Variants in GOLGA5 observed in about 807,000 individuals in gnomAD.
GOLGA5 encodes golgin A5.
Under a neutral mutation model 93.5 loss-of-function variants are expected in GOLGA5, and 50 were observed. The ratio of observed to expected loss-of-function variants is 0.53; its 90% confidence interval spans 0.43 to 0.68. The LOEUF (loss-of-function observed/expected upper bound fraction) is 0.68, where lower values mean the gene tolerates loss of function less well. Ranked by LOEUF, GOLGA5 falls within the 30% of genes least tolerant of loss-of-function variation. The probability of loss-of-function intolerance (pLI) is 0.00; values close to 1 mark genes in which losing one functional copy is unlikely to be tolerated. For missense variants in GOLGA5, 760 were observed against 856.4 expected (o/e 0.89, Z 1.40); for synonymous variants, 312 against 304.5 (o/e 1.02, Z -0.26).
intron 9 of GOLGA5, among the ~76,000 whole-genome samples, chr14:92,832,698 C>T (rs7146144): frequency 0.66 from 99,630 of 152,068 alleles, 33,075 homozygotes; most frequent in African/African-American, 0.77. Flanking sequence ...TGTTGAATGA[C>T]GGAGGCTTTT....
At chr14:92,801,653 A>G (rs942030145) in intron 2 of GOLGA5, among the ~76,000 whole-genome samples, 4 of 151,844 alleles carry the variant, frequency 2.6e-5, no homozygotes, top group Non-Finnish European at 4.4e-5. Flanking sequence ...TGTCTTGGAA[A>G]ATCTTTCCTT....
chr14:92,835,796 C>A, intron 11 of GOLGA5, 132 bp downstream of exon 11: 1 of 506,802 alleles, frequency 2.0e-6, no homozygotes, highest in Non-Finnish European at 3.6e-6. Flanking sequence ...ATATTTTATA[C>A]TTATATACAC....
chr14:92,827,642 A>C (rs1013419990), intron 9 of GOLGA5, among the ~76,000 whole-genome samples: 1 of 152,204 alleles, frequency 6.6e-6, no homozygotes, highest in Non-Finnish European at 1.5e-5. Context: ...GTGAAAAGCT[A>C]GAGATGATTA....
intron 9 of GOLGA5, among the ~76,000 whole-genome samples, chr14:92,828,680 A>AC (rs2140332510): frequency 6.6e-6 from 1 of 152,134 alleles, no homozygotes; most frequent in African/African-American, 2.4e-5. Flanking sequence ...ATTTATTTTT[A>AC]TTTTTTGAGA....
chr14:92,812,052 G>C (rs1407747573), intron 6 of GOLGA5, among the ~76,000 whole-genome samples: 2 of 152,134 alleles, frequency 1.3e-5, no homozygotes, highest in Non-Finnish European at 2.9e-5. Flanking sequence ...CTTCCTTGTT[G>C]ATCTCCTATT....
intron 9 of GOLGA5, among the ~76,000 whole-genome samples, chr14:92,826,705 A>T (rs1200482214): frequency 6.6e-6 from 1 of 151,724 alleles, no homozygotes; most frequent in Non-Finnish European, 1.5e-5. Flanking sequence ...CTCAAAAAAA[A>T]AAAAAAGAAA....
intron 2 of GOLGA5, among the ~76,000 whole-genome samples, chr14:92,800,290 G>A (rs1229441244): frequency 6.6e-6 from 1 of 152,192 alleles, no homozygotes; most frequent in Non-Finnish European, 1.5e-5. Context: ...ATTGCCTAGG[G>A]TATTCAGAAA....
At chr14:92,832,993 ATT>A (rs1885561216) in intron 9 of GOLGA5, 127 bp from the exon 10 acceptor site, 1 of 640,180 alleles carries the variant, frequency 1.6e-6, no homozygotes, top group African/African-American at 1.8e-5. Context: ...TTTTGTAGAC[ATT>A]GAGTCAGTAT....
chr14:92,838,871 G>C (rs1200010554), intron 12 of GOLGA5, among the ~76,000 whole-genome samples: 1 of 152,116 alleles, frequency 6.6e-6, no homozygotes, highest in Admixed American at 6.5e-5. Context: ...ATGGAATCTC[G>C]TATCATTTCG....
intron 8 of GOLGA5, among the ~76,000 whole-genome samples, 176 bp from the exon 9 acceptor site, chr14:92,824,370 T>G (rs534103787): frequency 6.6e-6 from 1 of 152,228 alleles, no homozygotes; most frequent in Non-Finnish European, 1.5e-5. Flanking sequence ...CCATCTGTTA[T>G]TCACTTAATT....
At chr14:92,806,401 C>T (rs1595592425) in intron 2 of GOLGA5, among the ~76,000 whole-genome samples, 1 of 152,294 alleles carries the variant, frequency 6.6e-6, no homozygotes, top group East Asian at 1.9e-4. Flanking sequence ...CACCTTTGGC[C>T]TCCCAGGCTC....
In GOLGA5 at chr14:92,839,299, T is replaced by C. The variant is rs1160192039; in HGVS notation, c.2116-67T>C. On this transcript the variant is annotated intron_variant, in intron 12 of 12. Coordinates refer to ENST00000163416, the MANE Select transcript of GOLGA5 (RefSeq NM_005113.4). The stretch of plus-strand genomic sequence containing the variant: ...GGTAAGACACAGTGCCTGCCCTCAG[T>C]GTACAGTGGGCCTTTGGTAAAAATT... The C allele has an allele frequency of 1.1e-5, 10 of 949,308 alleles. No individual in the cohort carries two copies. The African/African-American group carries it at 1.3e-4, about 12-fold the overall frequency. 58.8% of individuals were successfully genotyped at this position (949,308 alleles called of 1,614,324 possible). A position where few individuals can be genotyped will look rare whatever the true frequency, so the allele number is the denominator to read the frequency against.
Position 92,837,511 on chromosome 14 carries a change from TTTG to T in GOLGA5, c.2115+65_2115+67del, listed in dbSNP as rs568509399. The T allele has an allele frequency of 9.5e-3, 7,306 of 772,900 alleles. 64 individuals are homozygous for T. Among genetic ancestry groups the T allele is most frequent in the Non-Finnish European group, 0.013 (5,498 of 437,938 alleles). The allele number at this position is 772,900 out of a possible 1,614,324, so 47.9% of individuals were successfully genotyped here. A position where few individuals can be genotyped will look rare whatever the true frequency, so the allele number is the denominator to read the frequency against. On this transcript the variant is annotated intron_variant, in intron 12 of 12. Transcript: ENST00000163416. Reference sequence around the variant, plus strand: ...GATTTTTAACTAGTTTTTTTTTTTGTTTGTTTGTTTGTTTTGGCTACAGATCTT... The same window carrying T: ...GATTTTTAACTAGTTTTTTTTTTTGTTTTGTTTGTTTTGGCTACAGATCTT...
chr14:92,802,463 C>G (rs1884894270), intron 2 of GOLGA5, among the ~76,000 whole-genome samples: 1 of 151,972 alleles, frequency 6.6e-6, no homozygotes, highest in Non-Finnish European at 1.5e-5. Flanking sequence ...CTTCTTAGCC[C>G]TTTTATCTTT....
intron 9 of GOLGA5, among the ~76,000 whole-genome samples, chr14:92,832,574 C>T (rs1449034056): frequency 6.6e-6 from 1 of 152,214 alleles, no homozygotes; most frequent in Admixed American, 6.5e-5. Flanking sequence ...TCTTCACTAA[C>T]AGATGAGGAA....
At chr14:92,807,117 T>C (rs921258473) in intron 3 of GOLGA5, among the ~76,000 whole-genome samples, 154 bp downstream of exon 3, 2 of 152,068 alleles carry the variant, frequency 1.3e-5, no homozygotes, top group African/African-American at 4.8e-5. Context: ...CTGGCCAACA[T>C]GGTGAAACCC....
intron 12 of GOLGA5, 124 bp downstream of exon 12, chr14:92,837,573 GT>G (rs1259077303): frequency 8.3e-5 from 52 of 623,028 alleles, no homozygotes; most frequent in Admixed American, 1.5e-4. Flanking sequence ...ATTTTTTTTT[GT>G]TTTTTTTGAA....
chr14:92,795,087 AT>A (rs35787981), intron 1 of GOLGA5, among the ~76,000 whole-genome samples: 99,299 of 151,866 alleles, frequency 0.65, 32,799 homozygotes, highest in African/African-American at 0.76. Flanking sequence ...TAAAGAATTA[AT>A]GAGCGTGTTT....
In GOLGA5 at chr14:92,797,758, A is replaced by G. The variant is rs150328141; in HGVS notation, c.321A>G (p.Ser107=). 1.9e-5 allele frequency: 31 copies of G among 1,613,380 alleles called. No individual in the cohort carries two copies. In the African/African-American group the frequency reaches 3.6e-4, roughly 19 times the overall value. ...PVENASVPRP[S]SHFVRRKKSE... ...AAAATGCATCTGTTCCTAGGCCTTC[A>G]TCCCATTTTGTGCGAAGAAAAAAGT... is the stretch of plus-strand genomic sequence containing the variant. Residue 107 remains serine (S), a synonymous_variant, in exon 2 of 13, where the codon TCA becomes TCG. Coordinates refer to ENST00000163416, the MANE Select transcript of GOLGA5 (RefSeq NM_005113.4).
Sources: gnomAD v4.1 joint callset for allele counts (sites outside exome capture counted in the v4.1 genomes callset) on GRCh38, gnomAD v4.1.1 for gene constraint, MANE v1.5 for transcripts, NCBI Gene and HGNC (gene_info 2026-07-23, HGNC 2026-07-21) for gene names.